The following NSG1 variants were observed in gnomAD, a reference collection of about 807,000 sequenced individuals.
NSG1 encodes the protein neuronal vesicle trafficking-associated protein 1.
In NSG1, 9 loss-of-function variants were observed where a neutral mutation model predicts 19.3. That is an observed-to-expected ratio of 0.47 (90% confidence interval 0.28 to 0.81). The LOEUF (loss-of-function observed/expected upper bound fraction) is 0.81, where lower values mean the gene tolerates loss of function less well. Ranked by LOEUF, NSG1 falls within the 40% of genes least tolerant of loss-of-function variation. The pLI, the probability that NSG1 is intolerant of heterozygous loss-of-function variation, is 0.11. For synonymous variants in NSG1, 104 were observed against 107.0 expected (o/e 0.97, Z 0.17); for missense variants, 236 against 242.4 (o/e 0.97, Z 0.18).
At chr4:4,401,107 G>A (rs1036205374) in intron 3 of NSG1, among the ~76,000 whole-genome samples, 1 of 152,226 alleles carries the variant, frequency 6.6e-6, no homozygotes, top group African/African-American at 2.4e-5. Flanking sequence ...GCACAGCAAT[G>A]AGTACAAATC....
rs577268568 is a variant in NSG1, at chr4:4,389,650, A to T, written c.130-1825A>T. On this transcript the variant is annotated intron_variant, in intron 2 of 4. Transcript: ENST00000621129. ...ACCTGAACAACAGCAACGTGTTGCT[A>T]ACGGTCAGAGTTCAGGGAGGCGATG... Among the ~76,000 whole-genome samples, 10 of 152,268 alleles carry T rather than the reference A, an allele frequency of 6.6e-5. No homozygotes were observed. The East Asian group carries it at 1.9e-3, about 29-fold the overall frequency.
At chr4:4,401,375 C>T (rs1577286450) in intron 3 of NSG1, among the ~76,000 whole-genome samples, 1 of 152,176 alleles carries the variant, frequency 6.6e-6, no homozygotes, top group African/African-American at 2.4e-5. Flanking sequence ...GGCAGACAGG[C>T]ATCTTTGTCG....
chr4:4,394,873 G>C (rs920544541), intron 3 of NSG1, among the ~76,000 whole-genome samples: 5 of 152,184 alleles, frequency 3.3e-5, no homozygotes, highest in African/African-American at 4.8e-5. Flanking sequence ...AGCCTCTCTC[G>C]GGGCCATGCT....
intron 4 of NSG1, among the ~76,000 whole-genome samples, chr4:4,410,623 A>G (rs375814487): frequency 6.6e-6 from 1 of 152,196 alleles, no homozygotes; most frequent in African/African-American, 2.4e-5. Context: ...AAAACACGTT[A>G]TAACGCATGG....
At position 4,403,686 on chromosome 4, in the gene NSG1, G is replaced by A. The variant is rs1021130263; in HGVS notation, c.247-5887G>A. On this transcript the variant is annotated intron_variant, in intron 3 of 4. Coordinates refer to ENST00000621129, the MANE Select transcript of NSG1 (RefSeq NM_014392.5). Reference sequence around the variant, plus strand: ...TCTTTAGGGCCGTTATTCAGCCAACGACAGCCAGTTTGCCTGGGCCCAGTC... The same window carrying A: ...TCTTTAGGGCCGTTATTCAGCCAACAACAGCCAGTTTGCCTGGGCCCAGTC... Among the ~76,000 whole-genome samples, 5 of 152,292 alleles carry A rather than the reference G, an allele frequency of 3.3e-5. No individual in the cohort carries two copies. In the Middle Eastern group the frequency reaches 0.014, roughly 414 times the overall value.
At chr4:4,411,932 G>T (rs576893348) in intron 4 of NSG1, among the ~76,000 whole-genome samples, 2 of 151,856 alleles carry the variant, frequency 1.3e-5, no homozygotes, top group Non-Finnish European at 2.9e-5. Flanking sequence ...AGTAACATAC[G>T]CGTTTATTGT....
chr4:4,400,763 G>A (rs1723507411), intron 3 of NSG1, among the ~76,000 whole-genome samples: 1 of 152,194 alleles, frequency 6.6e-6, no homozygotes. Context: ...GCAGCTGTGG[G>A]ACAGTGTGGT....
intron 3 of NSG1, among the ~76,000 whole-genome samples, chr4:4,406,482 C>T (rs745827515): frequency 1.3e-5 from 2 of 152,200 alleles, no homozygotes; most frequent in Non-Finnish European, 2.9e-5. Context: ...GTGAGGCAGC[C>T]CTGCAGTGTA....
At position 4,391,416 on chromosome 4, in the gene NSG1, C is replaced by T. The variant is rs145985537; in HGVS notation, c.130-59C>T. The T allele has an allele frequency of 2.6e-4, 299 of 1,166,400 alleles. No homozygotes were observed. The East Asian group carries it at 6.4e-3, about 25-fold the overall frequency. The allele number at this position is 1,166,400 out of a possible 1,614,324, so 72.3% of individuals were successfully genotyped here. On this transcript the variant is annotated intron_variant, in intron 2 of 4. Transcript: ENST00000621129. ...GAATATGGGAGTTCCCAGACCCACC[C>T]TCTTTGGGCAGATATGTCTGAATGC... is the stretch of plus-strand genomic sequence containing the variant.
chr4:4,389,049 C>T (rs1722873956), intron 2 of NSG1, among the ~76,000 whole-genome samples: 1 of 152,214 alleles, frequency 6.6e-6, no homozygotes, highest in Admixed American at 6.5e-5. Context: ...GGCCCCGAGG[C>T]CCCCACACCC....
At chr4:4,388,686 A>G (rs1722857986) in intron 2 of NSG1, among the ~76,000 whole-genome samples, 1 of 147,510 alleles carries the variant, frequency 6.8e-6, no homozygotes, top group South Asian at 2.2e-4. Flanking sequence ...AGGGGCTCTG[A>G]GCCAGGGCTC....
chr4:4,409,197 C>A (rs1388833082), intron 3 of NSG1, among the ~76,000 whole-genome samples: 1 of 152,208 alleles, frequency 6.6e-6, no homozygotes, highest in Non-Finnish European at 1.5e-5. Context: ...AGCTGATGCA[C>A]CACCGCCGTG....
intron 3 of NSG1, among the ~76,000 whole-genome samples, chr4:4,407,250 C>G (rs1220638607): frequency 6.6e-6 from 1 of 152,142 alleles, no homozygotes; most frequent in Non-Finnish European, 1.5e-5. Context: ...GAGGAACTGG[C>G]AGGACCTGGG....
chr4:4,416,518 AG>A (rs1169235795), intron 4 of NSG1, among the ~76,000 whole-genome samples: 1 of 152,158 alleles, frequency 6.6e-6, no homozygotes, highest in East Asian at 1.9e-4. Flanking sequence ...GACAGGCTGC[AG>A]CCACAGCTGC....
At chr4:4,404,072 G>A (rs1489880066) in intron 3 of NSG1, among the ~76,000 whole-genome samples, 1 of 152,182 alleles carries the variant, frequency 6.6e-6, no homozygotes, top group Non-Finnish European at 1.5e-5. Flanking sequence ...GATTCTCATT[G>A]GCAGCCACAG....
intron 3 of NSG1, among the ~76,000 whole-genome samples, chr4:4,409,194 G>A (rs1187451356): frequency 1.3e-5 from 2 of 152,222 alleles, no homozygotes; most frequent in Non-Finnish European, 2.9e-5. Flanking sequence ...GGTAGCTGAT[G>A]CACCACCGCC....
chr4:4,407,874 C>G (rs184799371), intron 3 of NSG1, among the ~76,000 whole-genome samples: 1 of 152,256 alleles, frequency 6.6e-6, no homozygotes, highest in East Asian at 1.9e-4. Flanking sequence ...AATCTGCACC[C>G]TGGGCCCTGG....
chr4:4,410,144 G>A (rs558040841), intron 4 of NSG1, among the ~76,000 whole-genome samples: 1 of 152,214 alleles, frequency 6.6e-6, no homozygotes, highest in East Asian at 1.9e-4. Flanking sequence ...AGGGAAAGGG[G>A]AGCAGGGCTG....
At chr4:4,413,232 G>C (rs2108754464) in intron 4 of NSG1, among the ~76,000 whole-genome samples, 1 of 152,042 alleles carries the variant, frequency 6.6e-6, no homozygotes, top group Middle Eastern at 3.4e-3. Flanking sequence ...GCTATAGACA[G>C]ACAGGAAAGA....
Sources: gnomAD v4.1 joint callset for allele counts (sites outside exome capture counted in the v4.1 genomes callset) on GRCh38, gnomAD v4.1.1 for gene constraint, MANE v1.5 for transcripts, NCBI Gene and HGNC (gene_info 2026-07-23, HGNC 2026-07-21) for gene names.